The following DNAJC14 variants were observed in gnomAD, a reference collection of about 807,000 sequenced individuals.
DNAJC14 encodes DnaJ heat shock protein family (Hsp40) member C14.
DNAJC14 carries 12 observed loss-of-function variants against 68.8 expected under a neutral mutation model. The ratio of observed to expected loss-of-function variants is 0.17; its 90% CI spans 0.11 to 0.28. DNAJC14 has a LOEUF of 0.28. Among genes scored for constraint, DNAJC14 ranks in the 10% least tolerant of loss-of-function variants. The probability of loss-of-function intolerance (pLI) is 1.00; values close to 1 mark genes in which losing one functional copy is unlikely to be tolerated. For missense variants in DNAJC14, 764 were observed against 875.6 expected, an observed-to-expected ratio of 0.87 and a Z score of 1.61; for synonymous variants, 350 against 321.5, an observed-to-expected ratio of 1.09 and a Z score of -0.95.
Position 55,822,444 on chromosome 12 carries a change from G to T in DNAJC14, c.1827C>A (p.Ser609=). 6.2e-7 allele frequency: 1 copy of T among 1,613,860 alleles called. No homozygotes were observed. The highest frequency in any genetic ancestry group is 8.5e-7 in the Non-Finnish European group (1 of 1,180,020). ...EWAGCQRVGI[S]PDTHRVPYHI... ...GATAGGGGACTCTGTGGGTATCTGG[G>T]GAGATACCTACACGCTGGCATCCAG... The change falls in exon 6 of 7, where the codon TCC becomes TCA. Residue 609 remains serine (S), a synonymous_variant. Coordinates refer to ENST00000678005, the MANE Select transcript of DNAJC14 (RefSeq NM_032364.6).
chr12:55,825,563 A>C (rs957457522), intron 2 of DNAJC14, among the ~76,000 whole-genome samples: 2 of 46,586 alleles, frequency 4.3e-5, no homozygotes, highest in Non-Finnish European at 1.1e-4. Context: ...TTTTTTTTTG[A>C]GACGGTGTCT....
At chr12:55,822,929 G>A in intron 4 of DNAJC14, 141 bp downstream of exon 4, 1 of 1,460,766 alleles carries the variant, frequency 6.8e-7, no homozygotes, top group Non-Finnish European at 9.2e-7. Context: ...TTGACAATAT[G>A]ACAAAGGTAG....
rs757492193 is a variant in DNAJC14 at position 55,822,476 on chromosome 12, CTA to C, written c.1796-3_1796-2del. The stretch of plus-strand genomic sequence containing the variant: ...CCTACACGCTGGCATCCAGCCCACT[CTA>C]TAAACATGAGAAATAATTAGCCAAA... On this transcript the variant is annotated splice_acceptor_variant and splice_polypyrimidine_tract_variant and intron_variant, in intron 5 of 6. Transcript: ENST00000678005. LOFTEE classifies it high-confidence loss of function. 1.9e-6 allele frequency: 3 copies of C among 1,613,770 alleles called. No individual in the cohort carries two copies. Among genetic ancestry groups the C allele is most frequent in the African/African-American group, 2.7e-5 (2 of 74,886 alleles).
Position 55,827,547 on chromosome 12 carries a change from G to C in DNAJC14, c.1112C>G (p.Ser371Cys). 2 of 1,606,324 alleles carry C rather than the reference G, an allele frequency of 1.2e-6. No individual in the cohort carries two copies. Among genetic ancestry groups the C allele is most frequent in the Non-Finnish European group, 1.7e-6 (2 of 1,173,466 alleles). Residue 371 changes from serine to cysteine, a missense_variant, in exon 2 of 7, where the codon TCT becomes TGT. Around this residue, in one of 4 missense-constraint regions of DNAJC14, gnomAD observed 514 missense variants for 521.7 expected, o/e 0.99. Coordinates refer to ENST00000678005, the MANE Select transcript of DNAJC14 (RefSeq NM_032364.6). The stretch of plus-strand genomic sequence containing the variant: ...AGTCAAGCAACGCTGCAAGGCTGGA[G>C]AATCCAGCCAAGAGAAGAGCCAGGT... ...KATWLFSWLD[S>C]PALQRCLTLL...
Position 55,821,910 on chromosome 12 carries a change from T to G in DNAJC14, c.*67A>C, listed in dbSNP as rs1017432039. On this transcript the variant is annotated 3_prime_UTR_variant, in exon 7 of 7. Transcript: ENST00000678005. ...TAGGTGTTGGGGGAGGAGGGATAAA[T>G]CAAACTCCATCCTGTGCTACAGCCC... The G allele has an allele frequency of 7.9e-5, 117 of 1,479,324 alleles. 1 individual carries two copies. In the African/African-American group the frequency reaches 1.5e-3, roughly 19 times the overall value. 91.6% of individuals were successfully genotyped at this position (1,479,324 alleles called of 1,614,324 possible). A position where few individuals can be genotyped will look rare whatever the true frequency, so the allele number is the denominator to read the frequency against.
At position 55,823,520 on chromosome 12, in the gene DNAJC14, G is replaced by C; in HGVS notation, c.1408-12C>G. The C allele has an allele frequency of 6.2e-7, 1 of 1,609,750 alleles. No individual in the cohort carries two copies. The highest frequency in any genetic ancestry group is 8.5e-7 in the Non-Finnish European group (1 of 1,176,308). The stretch of plus-strand genomic sequence containing the variant: ...TTGTCAGGATGAACCTACCAAGACA[G>C]AGAGATTTCATTACAAATCCATTCC... On this transcript the variant is annotated splice_polypyrimidine_tract_variant and intron_variant, in intron 2 of 6. Coordinates refer to ENST00000678005, the MANE Select transcript of DNAJC14 (RefSeq NM_032364.6).
intron 5 of DNAJC14, 37 bp downstream of exon 5, chr12:55,822,533 AGG>A: frequency 6.2e-7 from 1 of 1,613,880 alleles, no homozygotes; most frequent in South Asian, 1.1e-5. Context: ...ATAAAAGATC[AGG>A]AAGTATGAGC....
At position 55,827,320 on chromosome 12, in the gene DNAJC14, C is replaced by T. The variant is rs1297872697; in HGVS notation, c.1339G>A (p.Val447Ile). Residue 447 changes from valine (V) to isoleucine (I), a missense_variant, in exon 2 of 7, where the codon GTA becomes ATA. By Grantham distance (29) the Val-to-Ile change is conservative. This residue lies in a region of DNAJC14 where 110 missense variants were observed against 162.7 expected (regional missense o/e 0.68). Coordinates refer to ENST00000678005, the MANE Select transcript of DNAJC14 (RefSeq NM_032364.6). ...GATGCTGTGGCCTCAACCCCCAGTACATGGAAAGGGTTTAGCTCATCCTCA... is the reference window on the plus strand; with the variant it reads ...GATGCTGTGGCCTCAACCCCCAGTATATGGAAAGGGTTTAGCTCATCCTCA... ...VPEDELNPFHVLGVEATASDV... is the reference protein window; with the variant it reads ...VPEDELNPFHILGVEATASDV... 4 of 1,605,570 alleles carry T rather than the reference C, an allele frequency of 2.5e-6. No individual in the cohort carries two copies. Among genetic ancestry groups the T allele is most frequent in the Non-Finnish European group, 3.4e-6 (4 of 1,175,890 alleles).
chr12:55,823,040 T>G lies in DNAJC14; in HGVS notation c.1634+30A>C, dbSNP rs781521133. ...TGGTTACATAATCCCTGAGCTGTGA[T>G]TGTCCCATCCCTCTCCTTCTATTTC... On this transcript the variant is annotated intron_variant, in intron 4 of 6. Transcript: ENST00000678005. 13 of 1,611,850 alleles carry G rather than the reference T, an allele frequency of 8.1e-6. No homozygotes were observed. In the South Asian group the frequency reaches 1.4e-4, roughly 18 times the overall value.
At position 55,828,582 on chromosome 12, in the gene DNAJC14, C is replaced by T; in HGVS notation, c.77G>A (p.Gly26Glu). 1 of 1,614,032 alleles carries T rather than the reference C, an allele frequency of 6.2e-7. No individual in the cohort carries two copies. The highest frequency in any genetic ancestry group is 8.5e-7 in the Non-Finnish European group (1 of 1,180,004). Residue 26 changes from glycine (G) to glutamate (E), a missense_variant, in exon 2 of 7, where the codon GGA becomes GAA. Around this residue, in one of 4 missense-constraint regions of DNAJC14, gnomAD observed 514 missense variants for 521.7 expected, o/e 0.99. Coordinates refer to ENST00000678005, the MANE Select transcript of DNAJC14 (RefSeq NM_032364.6). The stretch of plus-strand genomic sequence containing the variant: ...AGGTATTTCAGGGTCCACGGAGGGT[C>T]CTAAAGTCCTGAGGGAGGCACCACC... ...HSGGASLRTL[G>E]PSVDPEIPSF...
intron 4 of DNAJC14, 109 bp downstream of exon 4, chr12:55,822,961 A>C: frequency 6.6e-7 from 1 of 1,522,790 alleles, no homozygotes; most frequent in South Asian, 1.3e-5. Context: ...TCTTTTTACT[A>C]ATTATGAGAT....
chr12:55,822,506 G>T (rs775497307), intron 5 of DNAJC14, 31 bp from the exon 6 acceptor site: 4 of 1,613,468 alleles, frequency 2.5e-6, no homozygotes, highest in Non-Finnish European at 2.5e-6. Context: ...TAGCCAAAAC[G>T]TCGCAGTTTA....
intron 2 of DNAJC14, among the ~76,000 whole-genome samples, chr12:55,825,949 A>G (rs1880784144): frequency 6.6e-6 from 1 of 152,124 alleles, no homozygotes; most frequent in South Asian, 2.1e-4. Context: ...GCTGATCTTG[A>G]AACAGCCTGT....
At chr12:55,824,228 C>T (rs1880738489) in intron 2 of DNAJC14, among the ~76,000 whole-genome samples, 1 of 152,104 alleles carries the variant, frequency 6.6e-6, no homozygotes, top group Non-Finnish European at 1.5e-5. Flanking sequence ...GTCTCTGGCA[C>T]ACACATGTAT....
intron 4 of DNAJC14, 33 bp downstream of exon 4, chr12:55,823,037 T>C (rs757827203): frequency 6.2e-7 from 1 of 1,611,576 alleles, no homozygotes; most frequent in Non-Finnish European, 8.5e-7. Context: ...CCCTGAGCTG[T>C]GATTGTCCCA....
At position 55,822,252 on chromosome 12, in the gene DNAJC14, T is replaced by C. The variant is rs948644280; in HGVS notation, c.1899-65A>G. On this transcript the variant is annotated intron_variant, in intron 6 of 6. Transcript: ENST00000678005. The stretch of plus-strand genomic sequence containing the variant: ...GTCATATGGTTACCTAAGTTAGATA[T>C]ACTTATCAGTTCCCAAACTTCCTAG... 5 of 1,528,000 alleles carry C rather than the reference T, an allele frequency of 3.3e-6. No homozygotes were observed. In the Admixed American group the frequency reaches 6.2e-5, roughly 19 times the overall value. 94.7% of individuals were successfully genotyped at this position (1,528,000 alleles called of 1,614,324 possible).
At position 55,829,421 on chromosome 12, in the gene DNAJC14, G is replaced by A. The variant is rs1199144287; in HGVS notation, c.-57+68C>T. ...GATCGTGCCACTGTACTCCAGTCTG[G>A]GTGACAGAGCGAGACTCCATCTCAA... On this transcript the variant is annotated intron_variant, in intron 1 of 6. Transcript: ENST00000678005. The A allele has an allele frequency of 6.5e-5, 64 of 984,376 alleles. No individual in the cohort carries two copies. In the African/African-American group the frequency reaches 1.1e-3, roughly 16 times the overall value. 61.0% of individuals were successfully genotyped at this position (984,376 alleles called of 1,614,324 possible).
chr12:55,829,742 A>T (rs1880923141), upstream of DNAJC14: 1 of 380,164 alleles, frequency 2.6e-6, no homozygotes, highest in Non-Finnish European at 3.6e-6. Flanking sequence ...GGCGGTCCTA[A>T]GGAAGTACTG....
chr12:55,829,074 G>A (rs1330956187), intron 1 of DNAJC14: 3 of 991,808 alleles, frequency 3.0e-6, no homozygotes, highest in Middle Eastern at 5.1e-4. Flanking sequence ...GGGGCCATGC[G>A]GCCCTGGAGG....
Sources: allele counts gnomAD v4.1 joint callset (sites outside exome capture counted in the v4.1 genomes callset), GRCh38; gene constraint gnomAD v4.1.1; regional missense constraint gnomAD v4.1.1; transcripts MANE v1.5; gene names NCBI Gene and HGNC (gene_info 2026-07-23, HGNC 2026-07-21).